Variants in OXNAD1 observed in about 807,000 individuals in gnomAD.
OXNAD1 encodes oxidoreductase NAD-binding domain-containing protein 1.
A neutral mutation model predicts 32.9 loss-of-function variants in OXNAD1; 34 were observed. The observed-to-expected ratio is 1.03, with a 90% CI of 0.79 to 1.38. The LOEUF is 1.38. Among genes scored for constraint, OXNAD1 ranks in the 40% most tolerant of loss-of-function variants. The probability of loss-of-function intolerance (pLI) is 0.00; values close to 1 mark genes in which losing one functional copy is unlikely to be tolerated. For missense variants in OXNAD1, 407 were observed against 379.4 expected (o/e 1.07, Z -0.60); for synonymous variants, 134 against 135.2 (o/e 0.99, Z 0.06).
At chr3:16,330,176 C>T (rs962481539) in intron 9 of OXNAD1, among the ~76,000 whole-genome samples, 37 of 152,252 alleles carry the variant, frequency 2.4e-4, no homozygotes, top group African/African-American at 7.0e-4. Context: ...TTCAATCTCA[C>T]GTGTTAATTT....
At position 16,320,268 on chromosome 3, in the gene OXNAD1, C is replaced by T. The variant is rs2068896172; in HGVS notation, c.*30+16676C>T. 6.6e-6 allele frequency among the ~76,000 whole-genome samples: 1 copy of T among 152,232 alleles called. No individual in the cohort carries two copies. The highest frequency in any genetic ancestry group is 2.4e-5 in the African/African-American group (1 of 41,462). ...GCCTTGAAAATCACACGCACGTACA[C>T]AGAGGTTTCTTTCCAATGCTGAAAA... On this transcript the variant is annotated intron_variant, in intron 9 of 9. Transcript: ENST00000435829. This position sits in a 1 kb window ranked among gnomAD's most constrained non-coding sequence, Gnocchi z 4.5.
rs1191612294 is a variant in OXNAD1, at chr3:16,304,859, T to C, written c.*1297T>C. ...AGGGACTTGTGGGCTTGAACAGATA[T>C]GATTCATGGGACCTGAAGGTGACTC... is the stretch of plus-strand genomic sequence containing the variant. On this transcript the variant is annotated 3_prime_UTR_variant, in exon 9 of 9. Coordinates refer to ENST00000285083, the MANE Select transcript of OXNAD1 (RefSeq NM_138381.5). This position sits in a 1 kb window ranked among gnomAD's most constrained non-coding sequence, Gnocchi z 4.6. 2.6e-5 allele frequency: 4 copies of C among 152,244 alleles called. No individual in the cohort carries two copies. The highest frequency in any genetic ancestry group is 5.9e-5 in the Non-Finnish European group (4 of 68,056). The allele number at this position is 152,244 out of a possible 1,614,324, so 9.4% of individuals were successfully genotyped here. A position where few individuals can be genotyped will look rare whatever the true frequency, so the allele number is the denominator to read the frequency against.
rs1459113585 is a variant in OXNAD1 at position 16,277,335 on chromosome 3, A to G, written c.183+5613A>G. 1.3e-5 allele frequency among the ~76,000 whole-genome samples: 2 copies of G among 152,162 alleles called. No individual in the cohort carries two copies. Among genetic ancestry groups the G allele is most frequent in the South Asian group, 2.1e-4 (1 of 4,820 alleles). ...TGGTATCTGGCTTTCTCAGCAGTAT[A>G]TGGTCATTAGGAACTTGCCCCAATC... On this transcript the variant is annotated intron_variant, in intron 4 of 8. Transcript: ENST00000285083. The surrounding 1 kb of genome is among the most constrained non-coding windows in gnomAD (Gnocchi z 4.3).
chr3:16,302,177 T>C lies in OXNAD1; in HGVS notation c.675+309T>C, dbSNP rs1360470975. ...TCAAGAGACCTACAGTGGACTAGTG[T>C]ATCACAGGAGTAGGTAAGACTTAGA... On this transcript the variant is annotated intron_variant, in intron 7 of 8. Transcript: ENST00000285083. The surrounding 1 kb of genome is among the most constrained non-coding windows in gnomAD (Gnocchi z 4.2). 6.6e-6 allele frequency among the ~76,000 whole-genome samples: 1 copy of C among 152,162 alleles called. No individual in the cohort carries two copies. Among genetic ancestry groups the C allele is most frequent in the Non-Finnish European group, 1.5e-5 (1 of 68,026 alleles).
chr3:16,295,874 A>G (rs942781831), intron 6 of OXNAD1, among the ~76,000 whole-genome samples: 6 of 152,156 alleles, frequency 3.9e-5, no homozygotes, highest in African/African-American at 1.2e-4. Flanking sequence ...CAAAACCTCT[A>G]TTTTCAGCAA....
At chr3:16,270,560 C>A (rs374497599) in intron 2 of OXNAD1, among the ~76,000 whole-genome samples, 2 of 152,052 alleles carry the variant, frequency 1.3e-5, no homozygotes, top group Admixed American at 1.3e-4. Context: ...TTACACTTAA[C>A]AAGAAATATA....
rs1343167641 is a variant in OXNAD1, at chr3:16,342,864, C to T, written c.*31-6312C>T. On this transcript the variant is annotated intron_variant, in intron 9 of 9. Transcript: ENST00000606098. This position sits in a 1 kb window ranked among gnomAD's most constrained non-coding sequence, Gnocchi z 4.0. ...TGGCTGAATTTTTTACATGCAGTTC[C>T]CTAATCTCCACCCCGAAGACCCACT... 2.6e-5 allele frequency among the ~76,000 whole-genome samples: 4 copies of T among 152,276 alleles called. No homozygotes were observed. The East Asian group carries it at 7.7e-4, about 29-fold the overall frequency.
chr3:16,324,737 A>G (rs1234182917), intron 9 of OXNAD1, among the ~76,000 whole-genome samples: 4 of 149,692 alleles, frequency 2.7e-5, no homozygotes, highest in Non-Finnish European at 5.9e-5. Flanking sequence ...AGGGACACCT[A>G]AGTTGTTTCC....
At position 16,344,616 on chromosome 3, in the gene OXNAD1, C is replaced by T. The variant is rs964432670; in HGVS notation, c.*31-4560C>T. Among the ~76,000 whole-genome samples, 1 of 152,100 alleles carries T rather than the reference C, an allele frequency of 6.6e-6. No individual in the cohort carries two copies. The highest frequency in any genetic ancestry group is 1.5e-5 in the Non-Finnish European group (1 of 68,018). ...TCCCAGAATCAGGTCTCTTCAGGTCCACCACCTTCTAGATCACTGCACAAG... is the reference window on the plus strand; with the variant it reads ...TCCCAGAATCAGGTCTCTTCAGGTCTACCACCTTCTAGATCACTGCACAAG... On this transcript the variant is annotated intron_variant, in intron 9 of 9. Transcript: ENST00000606098. The surrounding 1 kb of genome is among the most constrained non-coding windows in gnomAD (Gnocchi z 4.4).
At chr3:16,328,030 T>C (rs544598064) in intron 9 of OXNAD1, among the ~76,000 whole-genome samples, 46 of 152,354 alleles carry the variant, frequency 3.0e-4, no homozygotes, top group African/African-American at 1.0e-3. Context: ...CCACCCTGTA[T>C]GCCCACATAG....
intron 9 of OXNAD1, among the ~76,000 whole-genome samples, chr3:16,333,813 A>C (rs1159972239): frequency 6.6e-6 from 1 of 152,240 alleles, no homozygotes; most frequent in Admixed American, 6.5e-5. Flanking sequence ...AGATCACAGA[A>C]GATTCAAACA....
At chr3:16,285,926 T>C (rs1252356743) in intron 4 of OXNAD1, among the ~76,000 whole-genome samples, 1 of 152,080 alleles carries the variant, frequency 6.6e-6, no homozygotes, top group East Asian at 1.9e-4. Flanking sequence ...GAAGCAAGAG[T>C]GGGCCTCACT....
In OXNAD1 at chr3:16,290,399, C is replaced by T. The variant is rs954042573; in HGVS notation, c.290+3951C>T. On this transcript the variant is annotated intron_variant, in intron 5 of 8. Transcript: ENST00000285083. The surrounding 1 kb of genome is among the most constrained non-coding windows in gnomAD (Gnocchi z 4.2). Reference sequence around the variant, plus strand: ...CTTCTGTATTTTTTAATGAAGGAGTCCTTTTTTTCCAAAGGTAGCTTTCCA... The same window carrying T: ...CTTCTGTATTTTTTAATGAAGGAGTTCTTTTTTTCCAAAGGTAGCTTTCCA... 1.3e-5 allele frequency among the ~76,000 whole-genome samples: 2 copies of T among 152,066 alleles called. No homozygotes were observed. Among genetic ancestry groups the T allele is most frequent in the South Asian group, 2.1e-4 (1 of 4,832 alleles).
At chr3:16,311,153 G>C (rs1460049248) in intron 9 of OXNAD1, among the ~76,000 whole-genome samples, 1 of 148,198 alleles carries the variant, frequency 6.7e-6, no homozygotes, top group African/African-American at 2.4e-5. Flanking sequence ...CTCCCAAAAA[G>C]AAAGATGTAG....
At chr3:16,282,269 G>C (rs2065797124) in intron 4 of OXNAD1, among the ~76,000 whole-genome samples, 1 of 151,062 alleles carries the variant, frequency 6.6e-6, no homozygotes, top group Non-Finnish European at 1.5e-5. Context: ...GAAAATACCA[G>C]TTCTACTAAA....
Position 16,297,835 on chromosome 3 carries a change from T to C in OXNAD1, c.432+2838T>C, listed in dbSNP as rs1298730275. Among the ~76,000 whole-genome samples, 1 of 152,130 alleles carries C rather than the reference T, an allele frequency of 6.6e-6. No individual in the cohort carries two copies. On this transcript the variant is annotated intron_variant, in intron 6 of 8. Coordinates refer to ENST00000285083, the MANE Select transcript of OXNAD1 (RefSeq NM_138381.5). The surrounding 1 kb of genome is among the most constrained non-coding windows in gnomAD (Gnocchi z 4.3). ...ACTGGGGTTGAGATTACTGTAAAGG[T>C]AGGATCGATAGCACAGGGGAATATT...
chr3:16,326,857 T>G (rs771549987), intron 9 of OXNAD1: 6 of 1,613,954 alleles, frequency 3.7e-6, no homozygotes, highest in Non-Finnish European at 5.1e-6. Context: ...GGGCACGTAG[T>G]CTGTCTGCAC....
rs1042583143 is a variant in OXNAD1, at chr3:16,290,890, A to G, written c.291-3966A>G. 6.6e-6 allele frequency among the ~76,000 whole-genome samples: 1 copy of G among 152,194 alleles called. No homozygotes were observed. On this transcript the variant is annotated intron_variant, in intron 5 of 8. Transcript: ENST00000285083. This position sits in a 1 kb window ranked among gnomAD's most constrained non-coding sequence, Gnocchi z 4.2. Reference sequence around the variant, plus strand: ...CTTTTAGGCCTGTATGTAGGTAAGCAACTGGGGAAGGATGATACTTTTTGC... The same window carrying G: ...CTTTTAGGCCTGTATGTAGGTAAGCGACTGGGGAAGGATGATACTTTTTGC...
Position 16,342,473 on chromosome 3 carries a change from A to G in OXNAD1, c.*31-6703A>G, listed in dbSNP as rs911508672. On this transcript the variant is annotated intron_variant, in intron 9 of 9. Coordinates refer to the OXNAD1 transcript ENST00000606098. The surrounding 1 kb of genome is among the most constrained non-coding windows in gnomAD (Gnocchi z 4.0). Reference sequence around the variant, plus strand: ...TTGTTTCTACTTTTTGGACATTACAAATAAAGCTGCCATCAACATTAATGT... The same window carrying G: ...TTGTTTCTACTTTTTGGACATTACAGATAAAGCTGCCATCAACATTAATGT... Among the ~76,000 whole-genome samples the G allele has an allele frequency of 3.3e-5, 5 of 152,232 alleles. No homozygotes were observed. The highest frequency in any genetic ancestry group is 1.2e-4 in the African/African-American group (5 of 41,458).
Sources: allele counts gnomAD v4.1 joint callset (sites outside exome capture counted in the v4.1 genomes callset), GRCh38; gene constraint gnomAD v4.1.1; non-coding constraint Gnocchi (gnomAD v3.1); transcripts MANE v1.5; gene names NCBI Gene and HGNC (gene_info 2026-07-23, HGNC 2026-07-21).